The following CNTN5 variants were observed in gnomAD, a reference collection of about 807,000 sequenced individuals.
CNTN5 encodes contactin 5, also known as contactin-5.
In CNTN5, 77 loss-of-function variants were observed where a neutral mutation model predicts 129.1. The observed-to-expected ratio is 0.60, with a 90% CI of 0.50 to 0.72. The LOEUF is 0.72. Ranked by LOEUF, CNTN5 falls within the 30% of genes least tolerant of loss-of-function variation. The pLI is 0.00. For missense variants in CNTN5, 1,478 were observed against 1,328.8 expected (o/e 1.11, Z -1.75); for synonymous variants, 509 against 465.6 (o/e 1.09, Z -1.20).
chr11:99,161,156 T>G (rs7952085), intron 1 of CNTN5, among the ~76,000 whole-genome samples: 75,637 of 151,810 alleles, frequency 0.5, 19,287 homozygotes, highest in East Asian at 0.81. Flanking sequence ...TTAATTTAGT[T>G]AATATTTGTT....
At chr11:99,451,179 A>T (rs1182874558) in intron 2 of CNTN5, among the ~76,000 whole-genome samples, 2 of 152,132 alleles carry the variant, frequency 1.3e-5, no homozygotes, top group African/African-American at 2.4e-5. Context: ...GGAAAATTTT[A>T]AAATTAGGTA....
chr11:99,828,873 T>G (rs1297648046), intron 4 of CNTN5, among the ~76,000 whole-genome samples: 1 of 152,194 alleles, frequency 6.6e-6, no homozygotes, highest in African/African-American at 2.4e-5. Context: ...CATCTAAATG[T>G]GAGCTTTTGT....
chr11:99,775,612 CAT>C (rs1177956845), intron 3 of CNTN5, among the ~76,000 whole-genome samples: 1 of 151,920 alleles, frequency 6.6e-6, no homozygotes, highest in Admixed American at 6.6e-5. Context: ...TTAAGGCACT[CAT>C]ATTTTAAGTT....
At chr11:99,369,528 G>T (rs1939701365) in intron 2 of CNTN5, among the ~76,000 whole-genome samples, 1 of 151,544 alleles carries the variant, frequency 6.6e-6, no homozygotes, top group African/African-American at 2.4e-5. Context: ...TGATATAATT[G>T]TAAGATACTC....
chr11:99,559,718 T>C (rs191608348), intron 3 of CNTN5, among the ~76,000 whole-genome samples: 4 of 152,226 alleles, frequency 2.6e-5, no homozygotes, highest in African/African-American at 9.6e-5. Flanking sequence ...ACCTAACTGA[T>C]TTGAAAACTT....
At chr11:100,338,479 A>C (rs1450218509) in intron 21 of CNTN5, among the ~76,000 whole-genome samples, 1 of 152,228 alleles carries the variant, frequency 6.6e-6, no homozygotes, top group Non-Finnish European at 1.5e-5. Flanking sequence ...AAGGAGGATG[A>C]AATGGGTGCA....
At chr11:100,302,578 C>T (rs1951247955) in intron 20 of CNTN5, among the ~76,000 whole-genome samples, 1 of 151,472 alleles carries the variant, frequency 6.6e-6, no homozygotes, top group Non-Finnish European at 1.5e-5. Flanking sequence ...ATGCCTTAAG[C>T]ACTGTGAAAA....
intron 2 of CNTN5, among the ~76,000 whole-genome samples, chr11:99,430,367 A>T (rs534285471): frequency 2.0e-5 from 3 of 148,460 alleles, no homozygotes; most frequent in East Asian, 3.9e-4. Context: ...ATATATATAT[A>T]TGTGTGCACG....
At chr11:99,767,782 C>A (rs368469051) in intron 3 of CNTN5, among the ~76,000 whole-genome samples, 2 of 152,006 alleles carry the variant, frequency 1.3e-5, no homozygotes, top group Non-Finnish European at 2.9e-5. Flanking sequence ...CAAATAAAGA[C>A]TACATGAATT....
rs539510127 is a variant in CNTN5 at position 100,184,472 on chromosome 11, C to G, written c.1581-6654C>G. The stretch of plus-strand genomic sequence containing the variant: ...TGATCTGCTGAAAGCGGATGTATGC[C>G]AAGGAATGCAAGTGGCTTCCAGAAG... On this transcript the variant is annotated intron_variant, in intron 13 of 24. Transcript: ENST00000524871. Among the ~76,000 whole-genome samples the G allele has an allele frequency of 9.2e-5, 14 of 152,208 alleles. No individual in the cohort carries two copies. The East Asian group carries it at 2.7e-3, about 29-fold the overall frequency.
intron 1 of CNTN5, among the ~76,000 whole-genome samples, chr11:99,215,496 G>C (rs1317724323): frequency 6.6e-6 from 1 of 152,126 alleles, no homozygotes; most frequent in African/African-American, 2.4e-5. Context: ...ACTCGATAAG[G>C]ACTCCATGAT....
At chr11:99,933,939 T>C (rs915544139) in intron 7 of CNTN5, among the ~76,000 whole-genome samples, 1 of 152,118 alleles carries the variant, frequency 6.6e-6, no homozygotes, top group African/African-American at 2.4e-5. Context: ...TATAGGTGCT[T>C]ACTTCATTTT....
At chr11:99,867,472 GT>G (rs1948386823) in intron 6 of CNTN5, among the ~76,000 whole-genome samples, 1 of 152,184 alleles carries the variant, frequency 6.6e-6, no homozygotes, top group Non-Finnish European at 1.5e-5. Flanking sequence ...AAAGCAAGGT[GT>G]TGGTGGGACT....
At position 99,037,354 on chromosome 11, in the gene CNTN5, G is replaced by T. The variant is rs1239072393; in HGVS notation, c.-210+16084G>T. On this transcript the variant is annotated intron_variant, in intron 1 of 24. Coordinates refer to ENST00000524871, the MANE Select transcript of CNTN5 (RefSeq NM_014361.4). ...GCTTTAATCGTTTCTACTGCTTAAAGAATACATTTCAGATTTGGCAGTGTT... is the reference window on the plus strand; with the variant it reads ...GCTTTAATCGTTTCTACTGCTTAAATAATACATTTCAGATTTGGCAGTGTT... Among the ~76,000 whole-genome samples the T allele has an allele frequency of 3.9e-5, 6 of 152,110 alleles. No homozygotes were observed. The East Asian group carries it at 9.7e-4, about 24-fold the overall frequency.
intron 13 of CNTN5, among the ~76,000 whole-genome samples, chr11:100,107,147 A>G (rs745907755): frequency 1.4e-4 from 21 of 152,128 alleles, no homozygotes; most frequent in Non-Finnish European, 2.5e-4. Context: ...ATAAACTTAG[A>G]CTAATAAAAG....
intron 1 of CNTN5, among the ~76,000 whole-genome samples, chr11:99,275,754 T>C (rs1445684575): frequency 6.6e-6 from 1 of 151,694 alleles, no homozygotes; most frequent in Admixed American, 6.6e-5. Flanking sequence ...GTTGGATTTA[T>C]GGCAAATGAG....
chr11:99,558,983 G>C (rs1031074938), intron 3 of CNTN5, among the ~76,000 whole-genome samples: 4 of 151,992 alleles, frequency 2.6e-5, no homozygotes, highest in African/African-American at 9.7e-5. Flanking sequence ...GAATGATTAT[G>C]TTCAAAATCT....
intron 3 of CNTN5, among the ~76,000 whole-genome samples, chr11:99,610,557 G>C (rs143332192): frequency 6.6e-6 from 1 of 152,280 alleles, no homozygotes; most frequent in African/African-American, 2.4e-5. Context: ...CATGACATGG[G>C]TCTCTGTAAG....
intron 1 of CNTN5, among the ~76,000 whole-genome samples, chr11:99,231,294 T>C (rs1306603941): frequency 6.6e-6 from 1 of 152,092 alleles, no homozygotes; most frequent in Non-Finnish European, 1.5e-5. Context: ...TTCCTGTTTC[T>C]CCTCAGCCAA....
Sources: gnomAD v4.1 joint callset for allele counts (sites outside exome capture counted in the v4.1 genomes callset) on GRCh38, gnomAD v4.1.1 for gene constraint, MANE v1.5 for transcripts, NCBI Gene and HGNC (gene_info 2026-07-23, HGNC 2026-07-21) for gene names.